SPTA1: variants seen among roughly 807,000 people sequenced by gnomAD.
SPTA1 encodes spectrin alpha chain, erythrocytic 1.
Under a neutral mutation model 324.7 loss-of-function variants are expected in SPTA1, and 177 were observed. That is an observed-to-expected ratio of 0.55 (90% CI 0.48 to 0.62). SPTA1 has a LOEUF of 0.62. Ranked by LOEUF, SPTA1 falls within the 20% of genes least tolerant of loss-of-function variation. The pLI is 0.00. For missense variants in SPTA1, 3,162 were observed against 2,883.6 expected (o/e 1.10, Z -2.21); for synonymous variants, 1,195 against 1,041.3 (o/e 1.15, Z -2.84).
rs977798877 is a variant in SPTA1 at position 158,635,800 on chromosome 1, G to T, written c.5432+113C>A. 162 of 1,491,778 alleles carry T rather than the reference G, an allele frequency of 1.1e-4. 2 individuals carry two copies. Among genetic ancestry groups the T allele is most frequent in the Middle Eastern group, 4.4e-4 (2 of 4,518 alleles). The allele number at this position is 1,491,778 out of a possible 1,614,324, so 92.4% of individuals were successfully genotyped here. ...ATTTGAGAAGGGACTTAAGGAGATAGATAGGTAGTTGGGGATAGCAGACAA... is the reference window on the plus strand; with the variant it reads ...ATTTGAGAAGGGACTTAAGGAGATATATAGGTAGTTGGGGATAGCAGACAA... On this transcript the variant is annotated intron_variant, in intron 38 of 51. Coordinates refer to ENST00000643759, the MANE Select transcript of SPTA1 (RefSeq NM_003126.4).
At chr1:158,682,305 T>G (rs1008378889) in intron 3 of SPTA1, among the ~76,000 whole-genome samples, 2 of 152,184 alleles carry the variant, frequency 1.3e-5, no homozygotes, top group Admixed American at 1.3e-4. Context: ...TTGCTCTGGG[T>G]AGCATGTGGA....
Position 158,656,593 on chromosome 1 carries a change from C to T in SPTA1, c.2869G>A (p.Ala957Thr). The T allele has an allele frequency of 2.5e-6, 4 of 1,613,926 alleles. No homozygotes were observed. The highest frequency in any genetic ancestry group is 3.4e-6 in the Non-Finnish European group (4 of 1,179,932). ...CAGGCGTTTGCCTGATTCCGCAGAG[C>T]TTTCATACTGTCTCCAAATGAATTG... ...DLNSFGDSMK[A>T]LRNQANACQQ... The change falls in exon 20 of 52, where the codon GCT (alanine) becomes ACT (threonine). Residue 957 changes from alanine to threonine, a missense_variant. Coordinates refer to ENST00000643759, the MANE Select transcript of SPTA1 (RefSeq NM_003126.4).
At chr1:158,661,569 A>T (rs921897447) in intron 17 of SPTA1, 160 bp from the exon 18 acceptor site, 18 of 929,480 alleles carry the variant, frequency 1.9e-5, no homozygotes, top group Non-Finnish European at 2.9e-5. Flanking sequence ...ATTTCACTCT[A>T]CTTATCTTTG....
intron 1 of SPTA1, 25 bp downstream of exon 1, chr1:158,686,469 G>T (rs1283457923): frequency 5.4e-6 from 8 of 1,483,362 alleles, no homozygotes; most frequent in East Asian, 4.5e-5. Context: ...ATGACAAATT[G>T]CATGGAAGAG....
chr1:158,641,092 A>C (rs2101823244), intron 33 of SPTA1, among the ~76,000 whole-genome samples: 1 of 152,118 alleles, frequency 6.6e-6, no homozygotes, highest in Admixed American at 6.6e-5. Context: ...GTGCTGGGAA[A>C]ACTGGCTAGA....
chr1:158,662,936 C>A lies in SPTA1; in HGVS notation c.2230G>T (p.Asp744Tyr). The A allele has an allele frequency of 6.2e-7, 1 of 1,613,996 alleles. No individual in the cohort carries two copies. Among genetic ancestry groups the A allele is most frequent in the South Asian group, 1.1e-5 (1 of 91,076 alleles). The change falls in exon 17 of 52, where the codon GAT becomes TAT. Residue 744 changes from aspartate (D) to tyrosine (Y), a missense_variant. Physicochemically the swap from Asp to Tyr is radical, Grantham distance 160 (BLOSUM62 -3). Coordinates refer to ENST00000643759, the MANE Select transcript of SPTA1 (RefSeq NM_003126.4). Reference sequence around the variant, plus strand: ...TATGCAGCCAGGTCTGTAAGGATATCCACCTGATCCTAAGGGAGAAATAGA... The same window carrying A: ...TATGCAGCCAGGTCTGTAAGGATATACACCTGATCCTAAGGGAGAAATAGA... ...SAVAARQDQV[D>Y]ILTDLAAYFE...
intron 42 of SPTA1, among the ~76,000 whole-genome samples, chr1:158,624,120 C>T (rs1218393315): frequency 2.4e-5 from 1 of 41,270 alleles, no homozygotes; most frequent in Non-Finnish European, 4.9e-5. Context: ...CTACATACTG[C>T]AGGGGTAGAA....
intron 42 of SPTA1, among the ~76,000 whole-genome samples, chr1:158,625,552 G>T (rs903403401): frequency 1.3e-5 from 2 of 151,412 alleles, no homozygotes; most frequent in Non-Finnish European, 2.9e-5. Context: ...AAAATACAGT[G>T]GAATTAAACT....
chr1:158,663,256 T>C (rs538941671), intron 16 of SPTA1, among the ~76,000 whole-genome samples: 1 of 152,314 alleles, frequency 6.6e-6, no homozygotes, highest in Non-Finnish European at 1.5e-5. Context: ...ATTGACAAAC[T>C]GGGCCTCAAG....
intron 38 of SPTA1, among the ~76,000 whole-genome samples, chr1:158,635,013 T>A (rs1650961577): frequency 6.6e-6 from 1 of 152,192 alleles, no homozygotes; most frequent in Non-Finnish European, 1.5e-5. Flanking sequence ...CTCTTTCTAC[T>A]CTGAGCACTG....
chr1:158,626,941 G>A lies in SPTA1; in HGVS notation c.5731C>T (p.Pro1911Ser). 1 of 1,613,910 alleles carries A rather than the reference G, an allele frequency of 6.2e-7. No individual in the cohort carries two copies. ...GCAGCTATTGCCTTAGCCAGAGAAG[G>A]GGTCTTTTCATTCAGAGCCTCTATC... ...SKIEALNEKTPSLAKAIAAWK... is the reference protein window; with the variant it reads ...SKIEALNEKTSSLAKAIAAWK... The change falls in exon 41 of 52, where the codon CCT becomes TCT. Residue 1911 changes from proline (P) to serine (S), a missense_variant. Pro to Ser is a moderately conservative substitution (Grantham distance 74). Transcript: ENST00000643759.
intron 39 of SPTA1, 103 bp from the exon 40 acceptor site, chr1:158,627,826 T>C (rs1650379851): frequency 1.7e-6 from 2 of 1,166,332 alleles, no homozygotes; most frequent in Admixed American, 1.8e-5. Flanking sequence ...GTTGATTCAA[T>C]GAAATTGGCA....
chr1:158,647,708 C>T lies in SPTA1; in HGVS notation c.3727G>A (p.Gly1243Arg). 6.2e-7 allele frequency: 1 copy of T among 1,613,882 alleles called. No individual in the cohort carries two copies. Residue 1243 changes from glycine (G) to arginine (R), a missense_variant, in exon 27 of 52, where the codon GGG becomes AGG. Gly to Arg is a moderately radical substitution (Grantham distance 125). Transcript: ENST00000643759. Reference protein sequence around the residue: ...VPLGDKVTILGETAERLSESH... With the variant: ...VPLGDKVTILRETAERLSESH... ...TCACTGAGCCGCTCTGCTGTCTCCC[C>T]CAGTATGGTCACCTGGGGAGGTACA... is the stretch of plus-strand genomic sequence containing the variant.
Position 158,612,877 on chromosome 1 carries a change from C to A in SPTA1, c.7074G>T (p.Glu2358Asp). ...SENIKSSDEI[E>D]NAFQALAEGK... ...CCTCTGCCAGGGCTTGGAAGGCATT[C>A]TCTATTTCATCACTGGACTTGATGT... The change falls in exon 51 of 52, where the codon GAG becomes GAT. Residue 2358 changes from glutamate (E) to aspartate (D), a missense_variant. Coordinates refer to ENST00000643759, the MANE Select transcript of SPTA1 (RefSeq NM_003126.4). 6.2e-7 allele frequency: 1 copy of A among 1,613,970 alleles called. No individual in the cohort carries two copies. The highest frequency in any genetic ancestry group is 8.5e-7 in the Non-Finnish European group (1 of 1,179,920).
intron 5 of SPTA1, among the ~76,000 whole-genome samples, chr1:158,680,298 C>G (rs1457760813): frequency 1.3e-5 from 2 of 151,970 alleles, no homozygotes; most frequent in Admixed American, 1.3e-4. Context: ...GGTACAGAAG[C>G]TACTATATAA....
intron 21 of SPTA1, among the ~76,000 whole-genome samples, chr1:158,654,347 C>G (rs1557963001): frequency 6.6e-6 from 1 of 152,118 alleles, no homozygotes; most frequent in Non-Finnish European, 1.5e-5. Context: ...AATTTCCACT[C>G]ATACTTTCTA....
chr1:158,679,275 G>A (rs1389712051), intron 5 of SPTA1, among the ~76,000 whole-genome samples: 4 of 152,068 alleles, frequency 2.6e-5, no homozygotes, highest in South Asian at 2.1e-4. Context: ...GGCCCCACTC[G>A]AGAGCACAGA....
intron 45 of SPTA1, among the ~76,000 whole-genome samples, chr1:158,618,498 C>G (rs1649713349): frequency 6.6e-6 from 1 of 152,172 alleles, no homozygotes. Flanking sequence ...CCTCAAAACA[C>G]CACAGTTTTG....
chr1:158,617,620 T>C, intron 46 of SPTA1, 32 bp from the exon 47 acceptor site: 1 of 1,573,976 alleles, frequency 6.4e-7, no homozygotes, highest in Non-Finnish European at 8.7e-7. Context: ...TCATTATGCA[T>C]CACATCACAG....
Sources: allele counts gnomAD v4.1 joint callset (sites outside exome capture counted in the v4.1 genomes callset), GRCh38; gene constraint gnomAD v4.1.1; transcripts MANE v1.5; gene names NCBI Gene and HGNC (gene_info 2026-07-23, HGNC 2026-07-21).